DCBLD2: variants seen among roughly 807,000 people sequenced by gnomAD.
The protein encoded by DCBLD2 is discoidin, CUB and LCCL domain-containing protein 2.
Under a neutral mutation model 86.8 loss-of-function variants are expected in DCBLD2, and 54 were observed. The ratio of observed to expected loss-of-function variants is 0.62; its 90% CI spans 0.50 to 0.78. The LOEUF is 0.78. Among genes scored for constraint, DCBLD2 ranks in the 30% least tolerant of loss-of-function variants. DCBLD2 has a pLI of 0.00. For synonymous variants in DCBLD2, 354 were observed against 341.3 expected, an observed-to-expected ratio of 1.04 and a Z score of -0.41; for missense variants, 908 against 954.2, an observed-to-expected ratio of 0.95 and a Z score of 0.64.
At chr3:98,850,142 T>A (rs1035713212) in intron 2 of DCBLD2, among the ~76,000 whole-genome samples, 12 of 152,206 alleles carry the variant, frequency 7.9e-5, no homozygotes, top group Non-Finnish European at 1.6e-4. Context: ...TAACCTTCCA[T>A]CCACAGCTTT....
At chr3:98,843,482 G>A (rs928914279) in intron 3 of DCBLD2, among the ~76,000 whole-genome samples, 2 of 151,924 alleles carry the variant, frequency 1.3e-5, no homozygotes, top group Non-Finnish European at 2.9e-5. Flanking sequence ...TTTCAAAGCC[G>A]AAAACATTCC....
At chr3:98,854,287 G>T (rs977896592) in intron 2 of DCBLD2, among the ~76,000 whole-genome samples, 7 of 152,254 alleles carry the variant, frequency 4.6e-5, no homozygotes, top group Non-Finnish European at 1.0e-4. Context: ...AAAAAGTCTG[G>T]CTTTGAGGAC....
chr3:98,893,157 A>G (rs566325063), intron 1 of DCBLD2, among the ~76,000 whole-genome samples: 2 of 152,188 alleles, frequency 1.3e-5, no homozygotes, highest in Non-Finnish European at 2.9e-5. Flanking sequence ...CTGCAGAGTA[A>G]AATGAAACAA....
chr3:98,861,189 T>C (rs904727220), intron 2 of DCBLD2, among the ~76,000 whole-genome samples: 1 of 152,138 alleles, frequency 6.6e-6, no homozygotes, highest in African/African-American at 2.4e-5. Flanking sequence ...CCTAAATATA[T>C]ATGCAGCCAA....
chr3:98,820,468 A>G (rs1357210333), intron 6 of DCBLD2, among the ~76,000 whole-genome samples, 180 bp from the exon 7 acceptor site: 1 of 152,238 alleles, frequency 6.6e-6, no homozygotes, highest in Non-Finnish European at 1.5e-5. Flanking sequence ...TCTAAGCAGG[A>G]CAACTTCTGA....
chr3:98,873,026 C>T (rs894066629), intron 2 of DCBLD2, among the ~76,000 whole-genome samples: 3 of 152,048 alleles, frequency 2.0e-5, no homozygotes, highest in African/African-American at 7.2e-5. Flanking sequence ...CAGACAGACA[C>T]AGCAGGATAA....
At chr3:98,849,619 G>C (rs998943253) in intron 2 of DCBLD2, 21 bp from the exon 3 acceptor site, 7 of 1,599,042 alleles carry the variant, frequency 4.4e-6, no homozygotes, top group African/African-American at 1.3e-5. Flanking sequence ...AAGAAAAGCA[G>C]ATTATTTGGG....
intron 1 of DCBLD2, among the ~76,000 whole-genome samples, chr3:98,892,192 T>C (rs1292674635): frequency 6.6e-6 from 1 of 152,128 alleles, no homozygotes; most frequent in Non-Finnish European, 1.5e-5. Context: ...CAAGCTTACA[T>C]ACCCTAACCA....
chr3:98,808,947 A>G (rs1941887243), intron 12 of DCBLD2, among the ~76,000 whole-genome samples: 1 of 152,154 alleles, frequency 6.6e-6, no homozygotes, highest in Non-Finnish European at 1.5e-5. Context: ...GAGGGAATAA[A>G]TCATGGTATC....
At chr3:98,806,171 TGTG>T (rs1941835264) in intron 13 of DCBLD2, among the ~76,000 whole-genome samples, 1 of 152,176 alleles carries the variant, frequency 6.6e-6, no homozygotes, top group Non-Finnish European at 1.5e-5. Flanking sequence ...AGACTGGGCA[TGTG>T]GTGGTAACTG....
At chr3:98,812,790 C>T (rs1417817086) in intron 9 of DCBLD2, 1 of 195,786 alleles carries the variant, frequency 5.1e-6, no homozygotes, top group African/African-American at 2.4e-5. Flanking sequence ...GACAATTTAT[C>T]CTATTAGTAA....
intron 1 of DCBLD2, among the ~76,000 whole-genome samples, chr3:98,898,728 G>C (rs1434452324): frequency 6.6e-6 from 1 of 152,136 alleles, no homozygotes; most frequent in African/African-American, 2.4e-5. Context: ...ACATCTGTTA[G>C]ACTGGGAAGA....
intron 1 of DCBLD2, among the ~76,000 whole-genome samples, chr3:98,898,078 T>C (rs971040677): frequency 6.6e-6 from 1 of 152,042 alleles, no homozygotes; most frequent in Non-Finnish European, 1.5e-5. Context: ...CTTCTTGATA[T>C]CCAACTTAGA....
intron 2 of DCBLD2, among the ~76,000 whole-genome samples, chr3:98,853,839 G>T (rs1942883118): frequency 6.6e-6 from 1 of 152,166 alleles, no homozygotes; most frequent in African/African-American, 2.4e-5. Flanking sequence ...CTCTCCTTAG[G>T]AATCTGCAAC....
intron 13 of DCBLD2, among the ~76,000 whole-genome samples, chr3:98,803,235 T>C (rs1445345528): frequency 6.6e-6 from 1 of 152,210 alleles, no homozygotes; most frequent in Non-Finnish European, 1.5e-5. Context: ...GAGCAGTGGT[T>C]TGTAGTTCTC....
In DCBLD2 at chr3:98,799,754, T is replaced by C. The variant is rs1440499240; in HGVS notation, c.1946A>G (p.Tyr649Cys). ...TGAGTTGTAAGGATCTAGGTCTGCA[T>C]AGCCTGCTTCTTTTCCTTCTTCTGG... ...FKPEEGKEAG[Y>C]ADLDPYNSPG... is the part of the protein sequence containing the mutation. Residue 649 changes from tyrosine (Y) to cysteine (C), a missense_variant, in exon 16 of 16, where the codon TAT becomes TGT. Around this residue, in one of 3 missense-constraint regions of DCBLD2, gnomAD observed 606 missense variants for 678.5 expected, o/e 0.89. Transcript: ENST00000326840. 4 of 1,613,984 alleles carry C rather than the reference T, an allele frequency of 2.5e-6. No homozygotes were observed. Among genetic ancestry groups the C allele is most frequent in the East Asian group, 2.2e-5 (1 of 44,886 alleles).
intron 3 of DCBLD2, among the ~76,000 whole-genome samples, chr3:98,847,644 T>C (rs1942751326): frequency 1.3e-5 from 2 of 152,184 alleles, no homozygotes; most frequent in African/African-American, 4.8e-5. Context: ...CTTTCCCCTA[T>C]AATTCCCAGT....
intron 1 of DCBLD2, among the ~76,000 whole-genome samples, chr3:98,885,415 TA>T (rs5851140): frequency 0.43 from 63,935 of 149,914 alleles, 13,607 homozygotes; most frequent in Non-Finnish European, 0.45. Context: ...GACATATACA[TA>T]TTTTTTTTGC....
rs1943477429 is a variant in DCBLD2 at position 98,881,835 on chromosome 3, T to G, written c.206-68A>C. On this transcript the variant is annotated intron_variant, in intron 1 of 15. Transcript: ENST00000326840. The stretch of plus-strand genomic sequence containing the variant: ...TTTACTTCCTCTATAATGATTTTTT[T>G]GTGAAGATTTAAAAATATGCACGAC... 5 of 1,485,218 alleles carry G rather than the reference T, an allele frequency of 3.4e-6. No homozygotes were observed. In the East Asian group the frequency reaches 9.2e-5, roughly 27 times the overall value. The allele number at this position is 1,485,218 out of a possible 1,614,324, so 92.0% of individuals were successfully genotyped here. A position where few individuals can be genotyped will look rare whatever the true frequency, so the allele number is the denominator to read the frequency against.
Sources: gnomAD v4.1 joint callset for allele counts (sites outside exome capture counted in the v4.1 genomes callset) on GRCh38, gnomAD v4.1.1 for gene constraint, gnomAD v4.1.1 regional missense constraint, MANE v1.5 for transcripts, NCBI Gene and HGNC (gene_info 2026-07-23, HGNC 2026-07-21) for gene names.